Variants in TBC1D10B observed in about 807,000 individuals in gnomAD.
TBC1D10B encodes Rab27A-GAPbeta.
A neutral mutation model predicts 78.4 loss-of-function variants in TBC1D10B; 25 were observed. The ratio of observed to expected loss-of-function variants is 0.32; its 90% CI spans 0.23 to 0.45. The LOEUF (loss-of-function observed/expected upper bound fraction) is 0.45, where lower values mean the gene tolerates loss of function less well. Among genes scored for constraint, TBC1D10B ranks in the 20% least tolerant of loss-of-function variants. TBC1D10B has a pLI of 1.00. For missense variants in TBC1D10B, 996 were observed against 1,104.8 expected (o/e 0.90, Z 1.40); for synonymous variants, 517 against 478.0 (o/e 1.08, Z -1.06).
chr16:30,357,757 A>G lies in TBC1D10B; in HGVS notation c.*187T>C. On this transcript the variant is annotated 3_prime_UTR_variant, in exon 9 of 9. Transcript: ENST00000409939. ...CCTCATGGGAGATGAGAGGCTCCAG[A>G]CTCATTTGCAGCTGCCCATCTGTCC... The G allele has an allele frequency of 1.3e-6, 1 of 784,930 alleles. No individual in the cohort carries two copies. Among genetic ancestry groups the G allele is most frequent in the Non-Finnish European group, 2.0e-6 (1 of 507,060 alleles). The allele number at this position is 784,930 out of a possible 1,614,324, so 48.6% of individuals were successfully genotyped here.
rs1466706331 is a variant in TBC1D10B at position 30,369,076 on chromosome 16, G to A, written c.956+152C>T. 1.3e-5 allele frequency among the ~76,000 whole-genome samples: 2 copies of A among 152,260 alleles called. No individual in the cohort carries two copies. Among genetic ancestry groups the A allele is most frequent in the Non-Finnish European group, 2.9e-5 (2 of 68,046 alleles). ...GCCAATGTCACAGGCACCTCAGGAT[G>A]CTCAAGACACGGCAGCTCGCGCTGA... On this transcript the variant is annotated intron_variant, in intron 1 of 8. Transcript: ENST00000409939. This position sits in a 1 kb window ranked among gnomAD's most constrained non-coding sequence, Gnocchi z 4.3.
chr16:30,359,494 G>A, intron 6 of TBC1D10B, 44 bp downstream of exon 6: 1 of 1,552,460 alleles, frequency 6.4e-7, no homozygotes, highest in Non-Finnish European at 8.7e-7. Context: ...GCAGCCTGGA[G>A]GAAACGCCAC....
Position 30,365,468 on chromosome 16 carries a change from GC to G in TBC1D10B, c.1056+26del. Reference sequence around the variant, plus strand: ...TGCTACCCCTCCCAACTTGTGCATTGCCCTGCCCACCATTCAGCCCTCAAAC... The same window carrying G: ...TGCTACCCCTCCCAACTTGTGCATTGCCTGCCCACCATTCAGCCCTCAAAC... On this transcript the variant is annotated intron_variant, in intron 2 of 8. Transcript: ENST00000409939. This position sits in a 1 kb window ranked among gnomAD's most constrained non-coding sequence, Gnocchi z 5.0. 1 of 1,611,902 alleles carries G rather than the reference GC, an allele frequency of 6.2e-7. No individual in the cohort carries two copies. The highest frequency in any genetic ancestry group is 8.5e-7 in the Non-Finnish European group (1 of 1,177,996).
chr16:30,359,551 T>C lies in TBC1D10B; in HGVS notation c.1439A>G (p.Tyr480Cys), dbSNP rs1157208564. Reference sequence around the variant, plus strand: ...CCAGACACTCACCAGCCCTGCACTGTAGTAACCTGGGAGGTACTTGTCGCA... The same window carrying C: ...CCAGACACTCACCAGCCCTGCACTGCAGTAACCTGGGAGGTACTTGTCGCA... ...QICDKYLPGYYSAGLEAIQLD... is the reference protein window; with the variant it reads ...QICDKYLPGYCSAGLEAIQLD... The change falls in exon 6 of 9, where the codon TAC (tyrosine) becomes TGC (cysteine). Residue 480 changes from tyrosine (Y) to cysteine (C), a missense_variant. By Grantham distance (194) the Tyr-to-Cys change is radical. Transcript: ENST00000409939. The C allele has an allele frequency of 6.4e-7, 1 of 1,561,190 alleles. No individual in the cohort carries two copies. The highest frequency in any genetic ancestry group is 8.7e-7 in the Non-Finnish European group (1 of 1,152,746).
In TBC1D10B at chr16:30,369,905, G is replaced by C; in HGVS notation, c.279C>G (p.Thr93=). 1 of 1,381,958 alleles carries C rather than the reference G, an allele frequency of 7.2e-7. No homozygotes were observed. The highest frequency in any genetic ancestry group is 2.0e-4 in the Middle Eastern group (1 of 5,116). The allele number at this position is 1,381,958 out of a possible 1,614,324, so 85.6% of individuals were successfully genotyped here. A position where few individuals can be genotyped will look rare whatever the true frequency, so the allele number is the denominator to read the frequency against. Residue 93 remains threonine, a synonymous_variant, in exon 1 of 9, where the codon ACC becomes ACG. Coordinates refer to ENST00000409939, the MANE Select transcript of TBC1D10B (RefSeq NM_015527.4). The surrounding 1 kb of genome is among the most constrained non-coding windows in gnomAD (Gnocchi z 4.3). ...AVTGSTVVVL[T]LEASPEAPKP... Reference sequence around the variant, plus strand: ...TTGGGGCTTCGGGCGAGGCCTCCAGGGTCAGCACCACCACCGTGCTGCCCG... The same window carrying C: ...TTGGGGCTTCGGGCGAGGCCTCCAGCGTCAGCACCACCACCGTGCTGCCCG...
chr16:30,358,821 C>T lies in TBC1D10B; in HGVS notation c.1643-4G>A. ...ACCCGGAAGATGATCTTAACGCCTG[C>T]AGGGGTGGAGAGTAGAGAGCATGGG... On this transcript the variant is annotated splice_polypyrimidine_tract_variant and splice_region_variant and intron_variant, in intron 7 of 8. Coordinates refer to ENST00000409939, the MANE Select transcript of TBC1D10B (RefSeq NM_015527.4). The T allele has an allele frequency of 6.2e-7, 1 of 1,603,240 alleles. No homozygotes were observed. The highest frequency in any genetic ancestry group is 2.2e-5 in the East Asian group (1 of 44,536).
Position 30,363,225 on chromosome 16 carries a change from T to G in TBC1D10B, c.1271+1675A>C, listed in dbSNP as rs2049610892. On this transcript the variant is annotated intron_variant, in intron 4 of 8. Transcript: ENST00000409939. ...ATTGGCAAATCCCTTTGACTCGACC[T>G]TCAAAATATATCCAGAATCCAACCA... 1.3e-5 allele frequency among the ~76,000 whole-genome samples: 2 copies of G among 152,086 alleles called. 1 individual carries two copies. The highest frequency in any genetic ancestry group is 4.8e-5 in the African/African-American group (2 of 41,402).
Position 30,358,825 on chromosome 16 carries a change from G to T in TBC1D10B, c.1643-8C>A. 1 of 1,601,550 alleles carries T rather than the reference G, an allele frequency of 6.2e-7. No homozygotes were observed. Among genetic ancestry groups the T allele is most frequent in the Non-Finnish European group, 8.5e-7 (1 of 1,174,292 alleles). On this transcript the variant is annotated splice_polypyrimidine_tract_variant and splice_region_variant and intron_variant, in intron 7 of 8. Transcript: ENST00000409939. ...GGAAGATGATCTTAACGCCTGCAGG[G>T]GTGGAGAGTAGAGAGCATGGGGTGG...
chr16:30,366,195 C>G (rs967093203), intron 1 of TBC1D10B: 2 of 152,142 alleles, frequency 1.3e-5, no homozygotes, highest in African/African-American at 4.8e-5. Flanking sequence ...TCTGTCTCTA[C>G]AAAAAATAAA....
At position 30,369,126 on chromosome 16, in the gene TBC1D10B, G is replaced by T; in HGVS notation, c.956+102C>A. The T allele has an allele frequency of 8.1e-7, 1 of 1,238,402 alleles. No homozygotes were observed. The highest frequency in any genetic ancestry group is 1.1e-6 in the Non-Finnish European group (1 of 907,574). The allele number at this position is 1,238,402 out of a possible 1,614,324, so 76.7% of individuals were successfully genotyped here. On this transcript the variant is annotated intron_variant, in intron 1 of 8. Coordinates refer to ENST00000409939, the MANE Select transcript of TBC1D10B (RefSeq NM_015527.4). This position sits in a 1 kb window ranked among gnomAD's most constrained non-coding sequence, Gnocchi z 4.3. ...ATCACCCCGTGGATCCTCAGAGGAGGCTGGGCTGCCAGAGTCTGGGCAAAG... is the reference window on the plus strand; with the variant it reads ...ATCACCCCGTGGATCCTCAGAGGAGTCTGGGCTGCCAGAGTCTGGGCAAAG...
Position 30,358,262 on chromosome 16 carries a change from T to G in TBC1D10B, c.2109A>C (p.Pro703=). The change falls in exon 9 of 9, where the codon CCA becomes CCC. Residue 703 remains proline (P), a synonymous_variant. Transcript: ENST00000409939. ...GPVVTAEGLH[P]SLPSPTGNST... ...TATTGCCAGTGGGTGAGGGAAGGGA[T>G]GGATGCAGTCCCTCAGCAGTGACCA... The G allele has an allele frequency of 6.3e-7, 1 of 1,577,848 alleles. No individual in the cohort carries two copies. The highest frequency in any genetic ancestry group is 8.6e-7 in the Non-Finnish European group (1 of 1,161,842).
intron 1 of TBC1D10B, chr16:30,366,760 G>C (rs529332336): frequency 6.6e-6 from 1 of 152,328 alleles, no homozygotes. Context: ...GCCAGTACTA[G>C]GAGGTGAGTA....
In TBC1D10B at chr16:30,358,509, C is replaced by T. The variant is rs2049575518; in HGVS notation, c.1862G>A (p.Trp621Ter). The T allele has an allele frequency of 6.2e-7, 1 of 1,610,230 alleles. No individual in the cohort carries two copies. Among genetic ancestry groups the T allele is most frequent in the Non-Finnish European group, 8.5e-7 (1 of 1,178,014 alleles). Residue 621 changes from tryptophan to a stop codon, truncating the protein, a stop_gained, in exon 9 of 9, where the codon TGG becomes TAG. Coordinates refer to ENST00000409939, the MANE Select transcript of TBC1D10B (RefSeq NM_015527.4). LOFTEE classifies it high-confidence loss of function. Reference protein sequence around the residue: ...ERENAAQLKKWRETRGELQYR... With the variant: ...ERENAAQLKK ...CTGCAGCTCCCCCCGCGTTTCCCGC[C>T]ACTTCTTGAGCTGGGCTGCATTCTC...
At position 30,365,559 on chromosome 16, in the gene TBC1D10B, C is replaced by A; in HGVS notation, c.992G>T (p.Arg331Leu). 6.2e-7 allele frequency: 1 copy of A among 1,613,980 alleles called. No individual in the cohort carries two copies. The highest frequency in any genetic ancestry group is 1.1e-5 in the South Asian group (1 of 91,080). ...GAACATGTCCAGCCATTTGAGCTCC[C>A]GCTGCCGAGCCACGTCCACGGGAAT... ...SSIPVDVARQ[R>L]ELKWLDMFSN... Residue 331 changes from arginine (R) to leucine (L), a missense_variant, in exon 2 of 9, where the codon CGG (arginine) becomes CTG (leucine). Arg to Leu is a moderately radical substitution (Grantham distance 102). Transcript: ENST00000409939. This position sits in a 1 kb window ranked among gnomAD's most constrained non-coding sequence, Gnocchi z 5.0.
Position 30,369,816 on chromosome 16 carries a change from G to C in TBC1D10B, c.368C>G (p.Ser123Trp). ...GTCTGCCCCTGCGGCCAGAGCCCTCGATGTCTCAACTCCAGCCACTGCCGC... is the reference window on the plus strand; with the variant it reads ...GTCTGCCCCTGCGGCCAGAGCCCTCCATGTCTCAACTCCAGCCACTGCCGC... ...EPAAVAGVETSRALAAGADSP... is the reference protein window; with the variant it reads ...EPAAVAGVETWRALAAGADSP... The change falls in exon 1 of 9, where the codon TCG becomes TGG. Residue 123 changes from serine to tryptophan, a missense_variant. Ser to Trp is a radical substitution (Grantham distance 177). Coordinates refer to ENST00000409939, the MANE Select transcript of TBC1D10B (RefSeq NM_015527.4). This position sits in a 1 kb window ranked among gnomAD's most constrained non-coding sequence, Gnocchi z 4.3. 4 of 1,421,100 alleles carry C rather than the reference G, an allele frequency of 2.8e-6. No individual in the cohort carries two copies. The highest frequency in any genetic ancestry group is 3.7e-6 in the Non-Finnish European group (4 of 1,088,022). 88.0% of individuals were successfully genotyped at this position (1,421,100 alleles called of 1,614,324 possible).
At chr16:30,364,117 CAAAAA>C (rs566136462) in intron 4 of TBC1D10B, among the ~76,000 whole-genome samples, 3 of 106,918 alleles carry the variant, frequency 2.8e-5, no homozygotes, top group Non-Finnish European at 4.0e-5. Context: ...AACTCCATCT[CAAAAA>C]AAAAAAAAAA....
In TBC1D10B at chr16:30,359,299, C is replaced by T. The variant is rs202152271; in HGVS notation, c.1515G>A (p.Ala505=). ...TGCGCTGCCGCCGCAGGTGGCGATG[C>T]GCCAGCGGGGAGGCCCGGCGCAGGA... ...FALLRRASPL[A]HRHLRRQRID... is the part of the protein sequence containing the mutation. The change falls in exon 7 of 9, where the codon GCG becomes GCA. Residue 505 remains alanine (A), a synonymous_variant. Transcript: ENST00000409939. 3.1e-6 allele frequency: 5 copies of T among 1,603,928 alleles called. No homozygotes were observed. Among genetic ancestry groups the T allele is most frequent in the East Asian group, 2.3e-5 (1 of 44,296 alleles).
chr16:30,365,183 G>A lies in TBC1D10B; in HGVS notation c.1086C>T (p.Pro362=), dbSNP rs1366335768. Reference sequence around the variant, plus strand: ...GCCAGGCTTTGGCTCTGAGAGAGGAGGGGATCCCCTTCCGGCAGCGCAGCT... The same window carrying A: ...GCCAGGCTTTGGCTCTGAGAGAGGAAGGGATCCCCTTCCGGCAGCGCAGCT... ...KVKLRCRKGI[P]SSLRAKAWQY... The change falls in exon 3 of 9, where the codon CCC becomes CCT. Residue 362 remains proline, a synonymous_variant. Coordinates refer to ENST00000409939, the MANE Select transcript of TBC1D10B (RefSeq NM_015527.4). The surrounding 1 kb of genome is among the most constrained non-coding windows in gnomAD (Gnocchi z 5.0). 4 of 1,613,822 alleles carry A rather than the reference G, an allele frequency of 2.5e-6. No individual in the cohort carries two copies. The highest frequency in any genetic ancestry group is 1.7e-5 in the Admixed American group (1 of 60,006).
rs1057115242 is a variant in TBC1D10B at position 30,370,107 on chromosome 16, C to G, written c.77G>C (p.Arg26Pro). The change falls in exon 1 of 9, where the codon CGG becomes CCG. Residue 26 changes from arginine (R) to proline (P), a missense_variant. Arg to Pro is a moderately radical substitution (Grantham distance 103). Transcript: ENST00000409939. ...CACGACGGGCCCGGCCCGGGAACCC[C>G]GGGGCGGCGGCGAGGGGGCCGCGGG... ...GAPAAPSPPP[R>P]GSRAGPVVVV... The G allele has an allele frequency of 1.6e-5, 19 of 1,220,518 alleles. No homozygotes were observed. The highest frequency in any genetic ancestry group is 1.9e-5 in the Non-Finnish European group (19 of 980,984). 75.6% of individuals were successfully genotyped at this position (1,220,518 alleles called of 1,614,324 possible).
Sources: allele counts gnomAD v4.1 joint callset (sites outside exome capture counted in the v4.1 genomes callset), GRCh38; gene constraint gnomAD v4.1.1; non-coding constraint Gnocchi (gnomAD v3.1); transcripts MANE v1.5; gene names NCBI Gene and HGNC (gene_info 2026-07-23, HGNC 2026-07-21).